VNN1: variants seen among roughly 807,000 people sequenced by gnomAD.
VNN1 encodes pantetheinase.
In VNN1, 29 loss-of-function variants were observed where a neutral mutation model predicts 41.9. The observed-to-expected ratio is 0.69, with a 90% CI of 0.52 to 0.94. VNN1 has a LOEUF of 0.94. Among genes scored for constraint, VNN1 ranks in the 40% least tolerant of loss-of-function variants. The probability of loss-of-function intolerance (pLI) is 0.00; values close to 1 mark genes in which losing one functional copy is unlikely to be tolerated. For missense variants in VNN1, 637 were observed against 621.1 expected (o/e 1.03, Z -0.27); for synonymous variants, 233 against 224.4 (o/e 1.04, Z -0.34).
intron 2 of VNN1, among the ~76,000 whole-genome samples, chr6:132,711,321 T>C (rs1477005777): frequency 6.6e-6 from 1 of 151,932 alleles, no homozygotes; most frequent in Non-Finnish European, 1.5e-5. Flanking sequence ...TTAAGGACTT[T>C]ACTACATTAA....
At chr6:132,684,617 A>G (rs2114330265) in intron 5 of VNN1, 112 bp from the exon 6 acceptor site, 1 of 877,048 alleles carries the variant, frequency 1.1e-6, no homozygotes, top group Non-Finnish European at 1.6e-6. Context: ...CACATCATAC[A>G]CTGTAAAGAT....
chr6:132,686,986 A>C (rs899968275), intron 5 of VNN1, among the ~76,000 whole-genome samples: 1 of 152,192 alleles, frequency 6.6e-6, no homozygotes, highest in Non-Finnish European at 1.5e-5. Context: ...ATCTCTCAGA[A>C]AGTAGAGGAG....
chr6:132,698,400 G>A (rs1778402430), intron 2 of VNN1, among the ~76,000 whole-genome samples: 1 of 152,146 alleles, frequency 6.6e-6, no homozygotes, highest in Non-Finnish European at 1.5e-5. Flanking sequence ...TGGACATGTG[G>A]GCAACTGGGG....
At chr6:132,686,396 G>A (rs754537493) in intron 5 of VNN1, among the ~76,000 whole-genome samples, 25 of 152,028 alleles carry the variant, frequency 1.6e-4, no homozygotes, top group African/African-American at 2.9e-4. Flanking sequence ...TGCAGTGAGC[G>A]GAAATCATGC....
intron 2 of VNN1, among the ~76,000 whole-genome samples, chr6:132,708,309 T>A (rs920955800): frequency 6.6e-6 from 1 of 152,326 alleles, no homozygotes; most frequent in Non-Finnish European, 1.5e-5. Context: ...TCATAACAAC[T>A]GCTTCCTCTA....
intron 3 of VNN1, among the ~76,000 whole-genome samples, chr6:132,693,579 A>C (rs537235619): frequency 6.6e-6 from 1 of 152,200 alleles, no homozygotes; most frequent in African/African-American, 2.4e-5. Context: ...AAAATAGATT[A>C]CTTCTGTTTG....
At chr6:132,698,174 G>T (rs1418436029) in intron 2 of VNN1, among the ~76,000 whole-genome samples, 1 of 152,196 alleles carries the variant, frequency 6.6e-6, no homozygotes, top group African/African-American at 2.4e-5. Flanking sequence ...TATTTGCTGA[G>T]TCCTTAATCC....
In VNN1 at chr6:132,692,563, T is replaced by C. The variant is rs371934923; in HGVS notation, c.848A>G (p.Asn283Ser). Residue 283 changes from asparagine to serine, a missense_variant, in exon 5 of 7, where the codon AAT becomes AGT. By Grantham distance (46) the Asn-to-Ser change is conservative. Coordinates refer to ENST00000367928, the MANE Select transcript of VNN1 (RefSeq NM_004666.3). ...KMTGSGIYAP[N>S]SSRAFHYDMK... ...ATCATAATGAAATGCTCTTGAAGAA[T>C]TGGGTGCATAGATGCCACTTCCTGG... 1.1e-5 allele frequency: 17 copies of C among 1,592,434 alleles called. No individual in the cohort carries two copies. Among genetic ancestry groups the C allele is most frequent in the East Asian group, 6.7e-5 (3 of 44,734 alleles).
chr6:132,681,949 GT>G lies in VNN1; in HGVS notation c.*1190del, dbSNP rs943259022. On this transcript the variant is annotated 3_prime_UTR_variant, in exon 7 of 7. Transcript: ENST00000367928. Reference sequence around the variant, plus strand: ...TTTGCACAGTGCATGGCTGTTATCGGTACTATGTAATTGTCCATCATCACAG... The same window carrying G: ...TTTGCACAGTGCATGGCTGTTATCGGACTATGTAATTGTCCATCATCACAG... The G allele has an allele frequency of 3.3e-5, 5 of 152,560 alleles. No individual in the cohort carries two copies. The highest frequency in any genetic ancestry group is 2.6e-4 in the Admixed American group (4 of 15,296). The allele number at this position is 152,560 out of a possible 1,614,324, so 9.5% of individuals were successfully genotyped here. A position where few individuals can be genotyped will look rare whatever the true frequency, so the allele number is the denominator to read the frequency against.
chr6:132,691,913 C>T (rs1025621442), intron 5 of VNN1, among the ~76,000 whole-genome samples: 2 of 151,186 alleles, frequency 1.3e-5, no homozygotes, highest in African/African-American at 2.4e-5. Flanking sequence ...GAGGCTGAGG[C>T]GTGAGAATTG....
At position 132,696,025 on chromosome 6, in the gene VNN1, A is replaced by T. The variant is rs78266918; in HGVS notation, c.342-1843T>A. 0.011 allele frequency among the ~76,000 whole-genome samples: 1,621 copies of T among 152,340 alleles called. 65 individuals carry two copies. In the East Asian group the frequency reaches 0.14, roughly 13 times the overall value. Reference sequence around the variant, plus strand: ...ACGAAAATCATCCCTGAAAAGGACCACATGACAGACCTACTAAACACAGAC... The same window carrying T: ...ACGAAAATCATCCCTGAAAAGGACCTCATGACAGACCTACTAAACACAGAC... On this transcript the variant is annotated intron_variant, in intron 2 of 6. Transcript: ENST00000367928.
chr6:132,703,740 A>G (rs2114365114), intron 2 of VNN1, among the ~76,000 whole-genome samples: 1 of 152,304 alleles, frequency 6.6e-6, no homozygotes, highest in South Asian at 2.1e-4. Flanking sequence ...TAAACTCTCC[A>G]ATCAAAAGAC....
At position 132,683,178 on chromosome 6, in the gene VNN1, T is replaced by C; in HGVS notation, c.1504A>G (p.Ile502Val). The C allele has an allele frequency of 6.2e-7, 1 of 1,613,898 alleles. No homozygotes were observed. Among genetic ancestry groups the C allele is most frequent in the Non-Finnish European group, 8.5e-7 (1 of 1,179,910 alleles). The change falls in exon 7 of 7, where the codon ATA (isoleucine) becomes GTA (valine). Residue 502 changes from isoleucine to valine, a missense_variant. Ile to Val is a conservative substitution (Grantham distance 29). Transcript: ENST00000367928. The stretch of plus-strand genomic sequence containing the variant: ...GAGCATACAATAGGTGCTATAACTA[T>C]TAGCATTATTATTCTTGCTTGTGCT... ...LTAQARIIML[I>V]VIAPIVCSLS...
At chr6:132,694,872 G>T (rs1326088584) in intron 2 of VNN1, among the ~76,000 whole-genome samples, 1 of 152,042 alleles carries the variant, frequency 6.6e-6, no homozygotes, top group Non-Finnish European at 1.5e-5. Flanking sequence ...ATTTTGGGGG[G>T]CCAGGTGTGG....
intron 2 of VNN1, among the ~76,000 whole-genome samples, chr6:132,708,762 C>A (rs1016819258): frequency 3.9e-5 from 6 of 152,180 alleles, no homozygotes; most frequent in Non-Finnish European, 8.8e-5. Flanking sequence ...ATAATGATCA[C>A]AACAGCTTTT....
intron 2 of VNN1, chr6:132,699,165 C>T (rs1778416017): frequency 2.2e-5 from 8 of 368,830 alleles, no homozygotes; most frequent in South Asian, 7.7e-5. Context: ...TATAGGTTCA[C>T]GGTTTCAGAC....
At position 132,711,824 on chromosome 6, in the gene VNN1, CAAT is replaced by C; in HGVS notation, c.223_225del (p.Ile75del). ...CCATAAATAGCATCTTCTGGAGTCA[CAAT>C]AATATGCGCACCCTGTTAAAAATGC... On this transcript the variant is annotated inframe_deletion, in exon 2 of 7. Transcript: ENST00000367928. 1 of 1,613,866 alleles carries C rather than the reference CAAT, an allele frequency of 6.2e-7. No homozygotes were observed. The highest frequency in any genetic ancestry group is 8.5e-7 in the Non-Finnish European group (1 of 1,179,864).
At chr6:132,700,666 T>C (rs554346170) in intron 2 of VNN1, among the ~76,000 whole-genome samples, 97 of 152,266 alleles carry the variant, frequency 6.4e-4, no homozygotes, top group African/African-American at 2.3e-3. Flanking sequence ...AAGGATGAAA[T>C]GGACATGCTC....
At chr6:132,694,984 C>T (rs1011240458) in intron 2 of VNN1, among the ~76,000 whole-genome samples, 1 of 152,100 alleles carries the variant, frequency 6.6e-6, no homozygotes, top group Admixed American at 6.5e-5. Context: ...GAAACCCCGT[C>T]TCTACTAAAA....
Sources: gnomAD v4.1 joint callset for allele counts (sites outside exome capture counted in the v4.1 genomes callset) on GRCh38, gnomAD v4.1.1 for gene constraint, MANE v1.5 for transcripts, NCBI Gene and HGNC (gene_info 2026-07-23, HGNC 2026-07-21) for gene names.